FBXO11: variants seen among roughly 807,000 people sequenced by gnomAD.
FBXO11 encodes the protein F-box protein 11.
A neutral mutation model predicts 117.0 loss-of-function variants in FBXO11; 13 were observed. The observed-to-expected ratio is 0.11, with a 90% confidence interval of 0.07 to 0.18. The LOEUF is 0.18. Among genes scored for constraint, FBXO11 ranks in the 10% least tolerant of loss-of-function variants. FBXO11 has a pLI of 1.00. For synonymous variants in FBXO11, 490 were observed against 380.5 expected (o/e 1.29, Z -3.35); for missense variants, 767 against 1,164.4 (o/e 0.66, Z 4.97).
At chr2:47,834,322 C>T (rs533097708) in intron 7 of FBXO11, among the ~76,000 whole-genome samples, 8 of 152,018 alleles carry the variant, frequency 5.3e-5, no homozygotes, top group African/African-American at 1.7e-4. Context: ...TGCACTCTAG[C>T]CTGAGTGACA....
chr2:47,842,864 T>C (rs981981437), intron 1 of FBXO11, among the ~76,000 whole-genome samples: 5 of 150,888 alleles, frequency 3.3e-5, no homozygotes, highest in Non-Finnish European at 7.4e-5. Context: ...TACTGCAGCC[T>C]GTATCTCCTG....
At chr2:47,817,975 C>T (rs566809118) in intron 16 of FBXO11, among the ~76,000 whole-genome samples, 1 of 152,274 alleles carries the variant, frequency 6.6e-6, no homozygotes, top group South Asian at 2.1e-4. Context: ...TGGAGAAACC[C>T]CATCTCTACT....
intron 1 of FBXO11, among the ~76,000 whole-genome samples, chr2:47,850,225 G>T (rs1276627317): frequency 6.6e-6 from 1 of 152,120 alleles, no homozygotes; most frequent in Non-Finnish European, 1.5e-5. Flanking sequence ...AATGGATGGT[G>T]GTGCCATGTA....
chr2:47,847,788 T>G (rs1276381909), intron 1 of FBXO11, among the ~76,000 whole-genome samples: 1 of 152,048 alleles, frequency 6.6e-6, no homozygotes, highest in Non-Finnish European at 1.5e-5. Flanking sequence ...AACATTGTTA[T>G]GTGGTGCGTG....
Position 47,839,638 on chromosome 2 carries a change from T to C in FBXO11, c.360+4A>G. On this transcript the variant is annotated splice_donor_region_variant and intron_variant, in intron 2 of 22. Coordinates refer to ENST00000403359, the MANE Select transcript of FBXO11 (RefSeq NM_001190274.2). ...AAAAGAAAAGCAACTACAGTTAAAG[T>C]TACCTCCATACTGTTCTTTGTGGGA... is the stretch of plus-strand genomic sequence containing the variant. The C allele has an allele frequency of 1.9e-6, 3 of 1,610,372 alleles. No homozygotes were observed. Among genetic ancestry groups the C allele is most frequent in the Non-Finnish European group, 1.7e-6 (2 of 1,179,190 alleles).
chr2:47,886,613 T>C (rs192148783), intron 1 of FBXO11, among the ~76,000 whole-genome samples: 113 of 152,176 alleles, frequency 7.4e-4, no homozygotes, highest in African/African-American at 2.5e-3. Flanking sequence ...AGAATTTAAA[T>C]GTTAACAGAT....
chr2:47,824,440 C>T (rs1376199767), intron 11 of FBXO11, among the ~76,000 whole-genome samples: 2 of 152,000 alleles, frequency 1.3e-5, no homozygotes, highest in East Asian at 3.9e-4. Context: ...TGCAGTGAGC[C>T]GTAATCACAC....
chr2:47,822,152 T>C (rs1204759265), intron 13 of FBXO11, 66 bp downstream of exon 13: 19 of 1,075,236 alleles, frequency 1.8e-5, no homozygotes, highest in Admixed American at 1.2e-4. Flanking sequence ...AAATGTTCCA[T>C]CATTTTGCTA....
chr2:47,818,705 A>T lies in FBXO11; in HGVS notation c.2006+74T>A, dbSNP rs888959809. The T allele has an allele frequency of 1.2e-5, 11 of 948,632 alleles. No homozygotes were observed. The East Asian group carries it at 2.7e-4, about 23-fold the overall frequency. The allele number at this position is 948,632 out of a possible 1,614,324, so 58.8% of individuals were successfully genotyped here. ...GGATAAAGATTGGGCATTAAACAAT[A>T]AGCAAATTTCTTTTACACACCCCAC... On this transcript the variant is annotated intron_variant, in intron 16 of 22. Transcript: ENST00000403359.
chr2:47,900,362 T>C (rs1184175021), intron 1 of FBXO11, among the ~76,000 whole-genome samples: 1 of 152,032 alleles, frequency 6.6e-6, no homozygotes, highest in Non-Finnish European at 1.5e-5. Flanking sequence ...GGAAAAATCA[T>C]GTTTCTTGTG....
rs146101703 is a variant in FBXO11, at chr2:47,864,509, C to G, written c.233-24740G>C. Among the ~76,000 whole-genome samples the G allele has an allele frequency of 9.7e-3, 1,481 of 152,256 alleles. 14 individuals carry two copies. Among genetic ancestry groups the G allele is most frequent in the Non-Finnish European group, 0.015 (1,025 of 68,010 alleles). ...GGCTGAGGCAGGAGAATTGCTTGAA[C>G]CCGGGAGGCAGAGGTTGCAGTGAGC... is the stretch of plus-strand genomic sequence containing the variant. On this transcript the variant is annotated intron_variant, in intron 1 of 22. Transcript: ENST00000403359.
At chr2:47,846,740 T>C (rs1329499473) in intron 1 of FBXO11, among the ~76,000 whole-genome samples, 2 of 130,914 alleles carry the variant, frequency 1.5e-5, no homozygotes, top group Middle Eastern at 3.7e-3. Flanking sequence ...ATCTGAAATA[T>C]ATCATTTCAA....
chr2:47,813,088 A>C, intron 18 of FBXO11, 146 bp downstream of exon 18: 2 of 836,006 alleles, frequency 2.4e-6, no homozygotes, highest in South Asian at 1.4e-5. Flanking sequence ...TCTAGGCACT[A>C]ATCTCCTAAA....
In FBXO11 at chr2:47,838,939, A is replaced by G; in HGVS notation, c.507T>C (p.Ser169=). ...LPDEVVLKIF[S]YLLEQDLCRA... ...TACAAAGATCCTGTTCCAGCAAGTAAGAGAAGATTTTTAGAACCACTTCAT... is the reference window on the plus strand; with the variant it reads ...TACAAAGATCCTGTTCCAGCAAGTAGGAGAAGATTTTTAGAACCACTTCAT... The change falls in exon 4 of 23, where the codon TCT becomes TCC. Residue 169 remains serine (S), a synonymous_variant. Transcript: ENST00000403359. 3.7e-6 allele frequency: 6 copies of G among 1,614,094 alleles called. No homozygotes were observed. In the South Asian group the frequency reaches 5.5e-5, roughly 15 times the overall value.
chr2:47,877,713 C>G (rs1025024963), intron 1 of FBXO11, among the ~76,000 whole-genome samples: 7 of 152,180 alleles, frequency 4.6e-5, no homozygotes, highest in Non-Finnish European at 1.0e-4. Context: ...GAGATGGAGT[C>G]TCGCTTTGTC....
rs991337666 is a variant in FBXO11, at chr2:47,807,286, T to A, written c.*832A>T. ...TTGAAGAGACTTTCTAAAGTGTACT[T>A]AAAACATAGTAGTTTTTTACCTTTC... On this transcript the variant is annotated 3_prime_UTR_variant, in exon 23 of 23. Coordinates refer to ENST00000403359, the MANE Select transcript of FBXO11 (RefSeq NM_001190274.2). The A allele has an allele frequency of 5.9e-5, 13 of 219,604 alleles. No individual in the cohort carries two copies. The highest frequency in any genetic ancestry group is 2.9e-4 in the African/African-American group (13 of 44,250). 13.6% of individuals were successfully genotyped at this position (219,604 alleles called of 1,614,324 possible).
rs114213567 is a variant in FBXO11, at chr2:47,851,654, C to T, written c.233-11885G>A. 6.1e-3 allele frequency among the ~76,000 whole-genome samples: 934 copies of T among 152,262 alleles called. 4 individuals carry two copies. Among genetic ancestry groups the T allele is most frequent in the Non-Finnish European group, 9.2e-3 (625 of 68,032 alleles). On this transcript the variant is annotated intron_variant, in intron 1 of 22. Coordinates refer to ENST00000403359, the MANE Select transcript of FBXO11 (RefSeq NM_001190274.2). ...TAGTAAGTGCCATACCAAGGACACA[C>T]ACAGGTGTTATAAAAGTATAAAACA... is the stretch of plus-strand genomic sequence containing the variant.
intron 11 of FBXO11, 93 bp from the exon 12 acceptor site, chr2:47,823,453 T>G: frequency 3.1e-6 from 3 of 957,942 alleles, no homozygotes; most frequent in Non-Finnish European, 4.6e-6. Flanking sequence ...ATCTAAAAAT[T>G]AAGTATTAGA....
rs1478054348 is a variant in FBXO11, at chr2:47,864,205, T to C, written c.233-24436A>G. Among the ~76,000 whole-genome samples, 3 of 152,302 alleles carry C rather than the reference T, an allele frequency of 2.0e-5. No homozygotes were observed. In the East Asian group the frequency reaches 5.8e-4, roughly 29 times the overall value. On this transcript the variant is annotated intron_variant, in intron 1 of 22. Transcript: ENST00000403359. ...ATTAAATGTTCCTATTCATTAAATA[T>C]AAAAAAGCATTTATTAAGTACTCAC...
Sources: allele counts gnomAD v4.1 joint callset (sites outside exome capture counted in the v4.1 genomes callset), GRCh38; gene constraint gnomAD v4.1.1; transcripts MANE v1.5; gene names NCBI Gene and HGNC (gene_info 2026-07-23, HGNC 2026-07-21).